The following PDZD2 variants were observed in gnomAD, a reference collection of about 807,000 sequenced individuals.
The protein encoded by PDZD2 is PDZ domain-containing protein 2.
Under a neutral mutation model 220.7 loss-of-function variants are expected in PDZD2, and 90 were observed. The ratio of observed to expected loss-of-function variants is 0.41; its 90% CI spans 0.34 to 0.49. The LOEUF is 0.49. Among genes scored for constraint, PDZD2 ranks in the 20% least tolerant of loss-of-function variants. The probability of loss-of-function intolerance (pLI) is 0.28; values close to 1 mark genes in which losing one functional copy is unlikely to be tolerated. For synonymous variants in PDZD2, 1,375 were observed against 1,450.5 expected (o/e 0.95, Z 1.18); for missense variants, 3,174 against 3,608.5 (o/e 0.88, Z 3.08).
intron 1 of PDZD2, among the ~76,000 whole-genome samples, chr5:31,788,028 C>A (rs542288197): frequency 6.6e-6 from 1 of 152,152 alleles, no homozygotes; most frequent in African/African-American, 2.4e-5. Flanking sequence ...CTGCCTCATA[C>A]GCACAGCCCT....
intron 9 of PDZD2, among the ~76,000 whole-genome samples, chr5:32,053,109 C>T (rs1738743634): frequency 6.6e-6 from 1 of 152,238 alleles, no homozygotes; most frequent in African/African-American, 2.4e-5. Flanking sequence ...CCATAGGTCT[C>T]AGTGTGAGAT....
intron 2 of PDZD2, among the ~76,000 whole-genome samples, chr5:31,979,572 T>G (rs1750104556): frequency 1.1e-5 from 1 of 90,150 alleles, no homozygotes; most frequent in African/African-American, 4.0e-5. Flanking sequence ...AGAGTGAGAC[T>G]CTGTCTCAAA....
intron 2 of PDZD2, among the ~76,000 whole-genome samples, chr5:31,888,211 C>T (rs1740698039): frequency 6.6e-6 from 1 of 151,564 alleles, no homozygotes; most frequent in Admixed American, 6.6e-5. Flanking sequence ...TCCTTCCTTC[C>T]CTTCCTTCCC....
At position 32,098,420 on chromosome 5, in the gene PDZD2, G is replaced by A. The variant is rs1241445774; in HGVS notation, c.8004G>A (p.Gly2668=). 6.2e-7 allele frequency: 1 copy of A among 1,614,112 alleles called. No homozygotes were observed. The highest frequency in any genetic ancestry group is 1.7e-5 in the Admixed American group (1 of 60,020). Residue 2668 remains glycine, a synonymous_variant, in exon 23 of 25, where the codon GGG becomes GGA. Transcript: ENST00000438447. This position sits in a 1 kb window ranked among gnomAD's most constrained non-coding sequence, Gnocchi z 4.1. ...AASQEGTMNR[G]DFLLSVNGAS... ...CTCAGGAAGGGACTATGAACCGAGG[G>A]GATTTCCTTCTGTCAGTCAACGGCG...
intron 1 of PDZD2, among the ~76,000 whole-genome samples, chr5:31,713,203 A>G (rs1484252152): frequency 6.6e-6 from 1 of 152,146 alleles, no homozygotes; most frequent in Non-Finnish European, 1.5e-5. Context: ...TGGTCTCAAC[A>G]TTTGCCATGT....
At chr5:31,859,854 T>G (rs1041507572) in intron 2 of PDZD2, among the ~76,000 whole-genome samples, 4 of 152,150 alleles carry the variant, frequency 2.6e-5, no homozygotes, top group Non-Finnish European at 5.9e-5. Flanking sequence ...AACCTTTCCA[T>G]ACATGTAATA....
chr5:31,648,642 G>A (rs1262599532), intron 1 of PDZD2, among the ~76,000 whole-genome samples: 1 of 151,636 alleles, frequency 6.6e-6, no homozygotes, highest in Admixed American at 6.6e-5. Context: ...CTTTTCCTCC[G>A]AGCAGCCAGA....
At position 32,101,102 on chromosome 5, in the gene PDZD2, C is replaced by T. The variant is rs201839530; in HGVS notation, c.8219-3C>T. 148 of 1,613,990 alleles carry T rather than the reference C, an allele frequency of 9.2e-5. No homozygotes were observed. Among genetic ancestry groups the T allele is most frequent in the Non-Finnish European group, 1.2e-4 (141 of 1,179,998 alleles). The stretch of plus-strand genomic sequence containing the variant: ...TTCATCTTGGTGCACGCTGCGGCTG[C>T]AGGGAGAAGTGTGGCTGTACACGAT... On this transcript the variant is annotated splice_region_variant and splice_polypyrimidine_tract_variant and intron_variant, in intron 23 of 24. Transcript: ENST00000438447.
At position 32,107,996 on chromosome 5, in the gene PDZD2, T is replaced by C; in HGVS notation, c.8381T>C (p.Ile2794Thr). 6 of 1,613,504 alleles carry C rather than the reference T, an allele frequency of 3.7e-6. No homozygotes were observed. The highest frequency in any genetic ancestry group is 5.1e-6 in the Non-Finnish European group (6 of 1,179,440). ...KGGAAEQAGI[I>T]EAGDEILAIN... ...GGTGCGGCTGAACAAGCTGGAATAA[T>C]AGAAGCTGGAGATGAAATTCTTGCT... Residue 2794 changes from isoleucine to threonine, a missense_variant, in exon 25 of 25, where the codon ATA (isoleucine) becomes ACA (threonine). Physicochemically the swap from Ile to Thr is moderately conservative, Grantham distance 89 (BLOSUM62 -1). Coordinates refer to ENST00000438447, the MANE Select transcript of PDZD2 (RefSeq NM_178140.4).
At chr5:32,032,805 C>T (rs78889400) in intron 6 of PDZD2, among the ~76,000 whole-genome samples, 3,221 of 152,244 alleles carry the variant, frequency 0.021, 121 homozygotes, top group African/African-American at 0.072. Context: ...GGTTGACTGA[C>T]GTGCCTAAAC....
At chr5:31,693,540 G>A (rs893374257) in intron 1 of PDZD2, among the ~76,000 whole-genome samples, 13 of 148,278 alleles carry the variant, frequency 8.8e-5, no homozygotes, top group Non-Finnish European at 3.0e-5. Context: ...GCGCCTGGCC[G>A]AAAAGCACTT....
chr5:31,676,638 C>A (rs1746435927), intron 1 of PDZD2, among the ~76,000 whole-genome samples: 1 of 150,306 alleles, frequency 6.7e-6, no homozygotes. Flanking sequence ...ACTGTAACCT[C>A]CGCCTCCTGG....
At chr5:31,672,385 C>T (rs866822635) in intron 1 of PDZD2, among the ~76,000 whole-genome samples, 11 of 152,128 alleles carry the variant, frequency 7.2e-5, no homozygotes, top group Admixed American at 2.0e-4. Context: ...TTGGCTGGAC[C>T]CAAAGGCTCA....
Position 32,108,273 on chromosome 5 carries a change from T to G in PDZD2, c.*138T>G, listed in dbSNP as rs1427464331. The G allele has an allele frequency of 7.1e-6, 4 of 563,710 alleles. No homozygotes were observed. The highest frequency in any genetic ancestry group is 1.2e-5 in the Non-Finnish European group (4 of 329,490). 34.9% of individuals were successfully genotyped at this position (563,710 alleles called of 1,614,324 possible). Reference sequence around the variant, plus strand: ...AAATCTCCAAGCTTGTGCTTACACATGAAGCCTGACTTAACTGTATGTGCA... The same window carrying G: ...AAATCTCCAAGCTTGTGCTTACACAGGAAGCCTGACTTAACTGTATGTGCA... On this transcript the variant is annotated 3_prime_UTR_variant, in exon 25 of 25. Coordinates refer to ENST00000438447, the MANE Select transcript of PDZD2 (RefSeq NM_178140.4).
At chr5:31,837,004 C>T (rs1225500857) in intron 2 of PDZD2, among the ~76,000 whole-genome samples, 2 of 146,386 alleles carry the variant, frequency 1.4e-5, no homozygotes, top group African/African-American at 2.6e-5. Flanking sequence ...GGCAACTGAG[C>T]GAGACTGTCT....
chr5:31,856,257 G>A (rs556135718), intron 2 of PDZD2, among the ~76,000 whole-genome samples: 53 of 152,240 alleles, frequency 3.5e-4, no homozygotes, highest in African/African-American at 1.3e-3. Context: ...TGTTAATGGA[G>A]TTGAGAGGAT....
In PDZD2 at chr5:32,087,656, C is replaced by A; in HGVS notation, c.4208C>A (p.Thr1403Asn). 6.2e-7 allele frequency: 1 copy of A among 1,614,210 alleles called. No homozygotes were observed. The highest frequency in any genetic ancestry group is 8.5e-7 in the Non-Finnish European group (1 of 1,180,048). The change falls in exon 20 of 25, where the codon ACC (threonine) becomes AAC (asparagine). Residue 1403 changes from threonine to asparagine, a missense_variant. Physicochemically the swap from Thr to Asn is moderately conservative, Grantham distance 65. Coordinates refer to ENST00000438447, the MANE Select transcript of PDZD2 (RefSeq NM_178140.4). The surrounding 1 kb of genome is among the most constrained non-coding windows in gnomAD (Gnocchi z 4.0). ...SLSMLPSTDN[T>N]KEACGHVSGH... ...TCCATGCTGCCATCCACTGACAACA[C>A]CAAAGAAGCATGTGGCCATGTCTCG...
At chr5:31,645,352 T>A (rs13184279) in intron 1 of PDZD2, among the ~76,000 whole-genome samples, 3 of 135,788 alleles carry the variant, frequency 2.2e-5, no homozygotes, top group Non-Finnish European at 5.0e-5. Context: ...TTTTTTTTTT[T>A]TTGAGACGGA....
At chr5:31,676,359 A>G (rs1619571) in intron 1 of PDZD2, among the ~76,000 whole-genome samples, 32,452 of 151,920 alleles carry the variant, frequency 0.21, 3,871 homozygotes, top group African/African-American at 0.33. Flanking sequence ...TTGTTCTGAC[A>G]CATACACCGA....
Sources: allele counts gnomAD v4.1 joint callset (sites outside exome capture counted in the v4.1 genomes callset), GRCh38; gene constraint gnomAD v4.1.1; non-coding constraint Gnocchi (gnomAD v3.1); transcripts MANE v1.5; gene names NCBI Gene and HGNC (gene_info 2026-07-23, HGNC 2026-07-21).